The following BICC1 variants were observed in gnomAD, a reference collection of about 807,000 sequenced individuals.
BICC1 encodes BicC family RNA binding protein 1.
A neutral mutation model predicts 111.0 loss-of-function variants in BICC1; 43 were observed. That is an observed-to-expected ratio of 0.39 (90% CI 0.30 to 0.50). BICC1 has a LOEUF of 0.50. BICC1 is among the 20% of genes least tolerant of loss of function. BICC1 has a pLI of 0.88. For missense variants in BICC1, 1,091 were observed against 1,203.2 expected (o/e 0.91, Z 1.38); for synonymous variants, 467 against 434.4 (o/e 1.07, Z -0.93).
At chr10:58,782,217 C>T (rs1257688739) in intron 3 of BICC1, among the ~76,000 whole-genome samples, 1 of 152,012 alleles carries the variant, frequency 6.6e-6, no homozygotes, top group South Asian at 2.1e-4. Flanking sequence ...TCTCTTAAAT[C>T]GGATACGAGG....
intron 1 of BICC1, among the ~76,000 whole-genome samples, chr10:58,563,468 G>C (rs1453099384): frequency 6.6e-6 from 1 of 152,138 alleles, no homozygotes; most frequent in Non-Finnish European, 1.5e-5. Flanking sequence ...AGTTCCTCTT[G>C]GTTCAAGCCA....
intron 3 of BICC1, among the ~76,000 whole-genome samples, chr10:58,782,798 A>T (rs1301795627): frequency 1.3e-5 from 2 of 152,204 alleles, no homozygotes; most frequent in Non-Finnish European, 2.9e-5. Context: ...AGCTCAGCCA[A>T]GTATCCTACC....
chr10:58,623,866 A>T (rs1049979098), intron 2 of BICC1, among the ~76,000 whole-genome samples: 1 of 152,072 alleles, frequency 6.6e-6, no homozygotes, highest in African/African-American at 2.4e-5. Flanking sequence ...GTCTTACCTA[A>T]TAGCAACAAT....
At chr10:58,527,620 C>T (rs547426480) in intron 1 of BICC1, among the ~76,000 whole-genome samples, 1 of 152,104 alleles carries the variant, frequency 6.6e-6, no homozygotes, top group African/African-American at 2.4e-5. Flanking sequence ...GGAAGGGATC[C>T]GGTTTCAGCT....
At chr10:58,580,220 C>T (rs1844242342) in intron 1 of BICC1, among the ~76,000 whole-genome samples, 1 of 152,048 alleles carries the variant, frequency 6.6e-6, no homozygotes, top group Non-Finnish European at 1.5e-5. Flanking sequence ...GACAGGGTTT[C>T]ACCATGTTGG....
At chr10:58,536,211 A>T (rs919597122) in intron 1 of BICC1, among the ~76,000 whole-genome samples, 4 of 151,610 alleles carry the variant, frequency 2.6e-5, no homozygotes, top group Non-Finnish European at 3.0e-5. Flanking sequence ...TCTAGAACAA[A>T]CTGACCTAAG....
At chr10:58,770,257 A>G (rs1477313295) in intron 3 of BICC1, among the ~76,000 whole-genome samples, 1 of 152,112 alleles carries the variant, frequency 6.6e-6, no homozygotes, top group Admixed American at 6.5e-5. Flanking sequence ...TAGAATTTCT[A>G]TTGAGTCATA....
intron 3 of BICC1, among the ~76,000 whole-genome samples, chr10:58,734,754 A>G (rs1221599634): frequency 2.6e-5 from 4 of 152,202 alleles, no homozygotes; most frequent in African/African-American, 9.6e-5. Flanking sequence ...AGCTGTCTGC[A>G]GTGGCTTCAG....
intron 2 of BICC1, among the ~76,000 whole-genome samples, chr10:58,669,430 A>C (rs1839115045): frequency 6.6e-6 from 1 of 152,148 alleles, no homozygotes; most frequent in Admixed American, 6.6e-5. Context: ...AGTTTTAATT[A>C]AAAGGACAAT....
rs181582353 is a variant in BICC1, at chr10:58,774,923, T to C, written c.308-10078T>C. On this transcript the variant is annotated intron_variant, in intron 3 of 20. Transcript: ENST00000373886. Reference sequence around the variant, plus strand: ...TTTAAAATTATTTTTAGGAGCTCTTTGTATGGGAAGAAATTTCAGAAGATC... The same window carrying C: ...TTTAAAATTATTTTTAGGAGCTCTTCGTATGGGAAGAAATTTCAGAAGATC... Among the ~76,000 whole-genome samples the C allele has an allele frequency of 3.3e-3, 498 of 152,290 alleles. 3 individuals are homozygous for C. Among genetic ancestry groups the C allele is most frequent in the African/African-American group, 0.011 (466 of 41,546 alleles).
At chr10:58,597,470 AG>A (rs1457695660) in intron 1 of BICC1, among the ~76,000 whole-genome samples, 1 of 152,168 alleles carries the variant, frequency 6.6e-6, no homozygotes, top group Non-Finnish European at 1.5e-5. Flanking sequence ...ACTACTGATA[AG>A]GGTCTGTGTT....
chr10:58,756,801 C>T (rs1842161805), intron 3 of BICC1, among the ~76,000 whole-genome samples: 1 of 152,174 alleles, frequency 6.6e-6, no homozygotes, highest in Non-Finnish European at 1.5e-5. Context: ...CATTAAGATG[C>T]CTTTTATAAT....
intron 2 of BICC1, among the ~76,000 whole-genome samples, chr10:58,695,552 A>G (rs1308565431): frequency 1.3e-5 from 2 of 152,216 alleles, no homozygotes; most frequent in Non-Finnish European, 2.9e-5. Context: ...CTGGTCCAAG[A>G]ATAAATATTT....
intron 3 of BICC1, among the ~76,000 whole-genome samples, chr10:58,715,000 G>A (rs1840692936): frequency 1.3e-5 from 2 of 151,788 alleles, no homozygotes; most frequent in South Asian, 4.2e-4. Flanking sequence ...GCTTGAACCC[G>A]GGAGGTGGAG....
chr10:58,731,636 T>C (rs1337930900), intron 3 of BICC1, among the ~76,000 whole-genome samples: 1 of 151,994 alleles, frequency 6.6e-6, no homozygotes, highest in Non-Finnish European at 1.5e-5. Flanking sequence ...TGGGGAGGCC[T>C]CAGGAAGCTT....
At chr10:58,592,168 G>GT (rs1389156356) in intron 1 of BICC1, among the ~76,000 whole-genome samples, 1 of 152,122 alleles carries the variant, frequency 6.6e-6, no homozygotes, top group African/African-American at 2.4e-5. Context: ...TTTGAAGACG[G>GT]TTTTTTGTTA....
chr10:58,536,368 A>G (rs1042192737), intron 1 of BICC1, among the ~76,000 whole-genome samples: 4 of 151,760 alleles, frequency 2.6e-5, no homozygotes, highest in African/African-American at 9.7e-5. Context: ...TTGAAATCAC[A>G]TCAACCATAT....
chr10:58,820,161 T>C (rs1010242161), intron 19 of BICC1, among the ~76,000 whole-genome samples: 3 of 152,154 alleles, frequency 2.0e-5, no homozygotes, highest in Admixed American at 6.6e-5. Context: ...GTTGCCGGGT[T>C]GCTCAGAGCT....
chr10:58,794,372 G>A (rs979957651), intron 9 of BICC1, among the ~76,000 whole-genome samples: 1 of 151,286 alleles, frequency 6.6e-6, no homozygotes, highest in African/African-American at 2.4e-5. Context: ...TCAGAGTGTT[G>A]TAAAATTTCA....
Sources: allele counts gnomAD v4.1 joint callset (sites outside exome capture counted in the v4.1 genomes callset), GRCh38; gene constraint gnomAD v4.1.1; transcripts MANE v1.5; gene names NCBI Gene and HGNC (gene_info 2026-07-23, HGNC 2026-07-21).